The following SMOC2 variants were observed in gnomAD, a reference collection of about 807,000 sequenced individuals.
SMOC2 encodes SPARC related modular calcium binding 2.
A neutral mutation model predicts 61.4 loss-of-function variants in SMOC2; 39 were observed. The ratio of observed to expected loss-of-function variants is 0.64; its 90% CI spans 0.49 to 0.83. The LOEUF is 0.83. Ranked by LOEUF, SMOC2 falls within the 40% of genes least tolerant of loss-of-function variation. SMOC2 has a pLI of 0.00. For synonymous variants in SMOC2, 247 were observed against 239.9 expected (o/e 1.03, Z -0.27); for missense variants, 556 against 592.9 (o/e 0.94, Z 0.65).
At chr6:168,528,402 C>T (rs781484641) in intron 4 of SMOC2, among the ~76,000 whole-genome samples, 8 of 151,912 alleles carry the variant, frequency 5.3e-5, no homozygotes, top group Non-Finnish European at 1.0e-4. Flanking sequence ...TGATCTAGCC[C>T]TCCAGATTCC....
At chr6:168,563,328 TTATA>T (rs1407399978) in intron 7 of SMOC2, among the ~76,000 whole-genome samples, 1 of 152,146 alleles carries the variant, frequency 6.6e-6, no homozygotes, top group Non-Finnish European at 1.5e-5. Context: ...TATATAAAGT[TTATA>T]TATGTGTATG....
intron 7 of SMOC2, among the ~76,000 whole-genome samples, chr6:168,592,174 C>T (rs1317124783): frequency 6.6e-6 from 1 of 152,232 alleles, no homozygotes; most frequent in African/African-American, 2.4e-5. Context: ...CCCTATTTCC[C>T]TAGTTCTCTA....
rs141368097 is a variant in SMOC2 at position 168,514,807 on chromosome 6, G to A, written c.256+4721G>A. 1.7e-3 allele frequency among the ~76,000 whole-genome samples: 265 copies of A among 152,300 alleles called. 2 individuals carry two copies. Among genetic ancestry groups the A allele is most frequent in the African/African-American group, 6.1e-3 (254 of 41,562 alleles). ...GTCGGATGTGCCATTGAAAGGCCGC[G>A]AAGAAGCTTCCGCTTTAGCCGTAGC... On this transcript the variant is annotated intron_variant, in intron 2 of 12. Transcript: ENST00000356284.
At chr6:168,510,134 C>T (rs1381207469) in intron 2 of SMOC2, 48 bp downstream of exon 2, 1 of 1,547,564 alleles carries the variant, frequency 6.5e-7, no homozygotes, top group South Asian at 1.1e-5. Context: ...CATCCATCAT[C>T]AAAATGAATG....
intron 9 of SMOC2, among the ~76,000 whole-genome samples, chr6:168,615,560 T>C (rs60866556): frequency 5.7e-5 from 4 of 69,880 alleles, no homozygotes; most frequent in African/African-American, 1.6e-4. Flanking sequence ...CCTCTTTACA[T>C]CTACAGCCAG....
chr6:168,559,550 C>T (rs1784344615), intron 7 of SMOC2, among the ~76,000 whole-genome samples: 3 of 152,134 alleles, frequency 2.0e-5, no homozygotes, highest in African/African-American at 7.2e-5. Flanking sequence ...CATGGTCTTC[C>T]CATCAGTTAG....
chr6:168,510,341 TC>T (rs1273727719), intron 2 of SMOC2, among the ~76,000 whole-genome samples: 3 of 152,224 alleles, frequency 2.0e-5, no homozygotes, highest in Admixed American at 2.0e-4. Context: ...TCAGTTTTTT[TC>T]CCCAAAGTCT....
At chr6:168,466,824 C>T (rs779434496) in intron 1 of SMOC2, among the ~76,000 whole-genome samples, 11 of 152,160 alleles carry the variant, frequency 7.2e-5, no homozygotes, top group Non-Finnish European at 1.2e-4. Flanking sequence ...TGGTTTCTCC[C>T]GGATGTTTCA....
chr6:168,442,401 C>A (rs898438956), intron 1 of SMOC2, among the ~76,000 whole-genome samples: 10 of 152,392 alleles, frequency 6.6e-5, no homozygotes, highest in African/African-American at 2.2e-4. Context: ...CAACCCGCGG[C>A]GGCCGCTGGG....
At chr6:168,561,968 C>T (rs536576244) in intron 7 of SMOC2, among the ~76,000 whole-genome samples, 7 of 26,418 alleles carry the variant, frequency 2.6e-4, no homozygotes, top group Admixed American at 4.0e-4. Context: ...ACACGAGGCT[C>T]TCACTGCATT....
At chr6:168,554,293 A>T (rs1784196141) in intron 7 of SMOC2, among the ~76,000 whole-genome samples, 1 of 152,248 alleles carries the variant, frequency 6.6e-6, no homozygotes, top group African/African-American at 2.4e-5. Flanking sequence ...TCTTAAAGTC[A>T]TGCTGAAAAA....
chr6:168,526,394 G>C lies in SMOC2; in HGVS notation c.305G>C (p.Arg102Pro). 2 of 1,614,070 alleles carry C rather than the reference G, an allele frequency of 1.2e-6. No individual in the cohort carries two copies. The highest frequency in any genetic ancestry group is 1.7e-6 in the Non-Finnish European group (2 of 1,179,946). ...AERKYTQEQA[R>P]KEFQQVFIPE... ...AGGAAGTATACCCAGGAGCAAGCCCGGAAGGAGTTTCAGCAAGTGTTCATT... is the reference window on the plus strand; with the variant it reads ...AGGAAGTATACCCAGGAGCAAGCCCCGAAGGAGTTTCAGCAAGTGTTCATT... The change falls in exon 3 of 13, where the codon CGG becomes CCG. Residue 102 changes from arginine (R) to proline (P), a missense_variant. Physicochemically the swap from Arg to Pro is moderately radical, Grantham distance 103. Transcript: ENST00000356284.
At chr6:168,588,549 C>T (rs1030303230) in intron 7 of SMOC2, among the ~76,000 whole-genome samples, 14 of 152,146 alleles carry the variant, frequency 9.2e-5, no homozygotes, top group Admixed American at 5.2e-4. Context: ...AAGATTTCAA[C>T]ACAGGAATTT....
At position 168,441,474 on chromosome 6, in the gene SMOC2, A is replaced by G; in HGVS notation, c.84+20A>G. On this transcript the variant is annotated intron_variant, in intron 1 of 12. Coordinates refer to ENST00000356284, the MANE Select transcript of SMOC2 (RefSeq NM_001166412.2). Reference sequence around the variant, plus strand: ...CTCACGGTAAGCCCGGGCCCGCGGGACCTGGAGCTCAAGTGGTGCCGCCTC... The same window carrying G: ...CTCACGGTAAGCCCGGGCCCGCGGGGCCTGGAGCTCAAGTGGTGCCGCCTC... The G allele has an allele frequency of 1.3e-6, 2 of 1,485,120 alleles. No homozygotes were observed. Among genetic ancestry groups the G allele is most frequent in the Non-Finnish European group, 1.8e-6 (2 of 1,121,602 alleles). 92.0% of individuals were successfully genotyped at this position (1,485,120 alleles called of 1,614,324 possible).
At position 168,650,753 on chromosome 6, in the gene SMOC2, C is replaced by A. The variant is rs777915338; in HGVS notation, c.980C>A (p.Ala327Asp). 1 of 1,612,614 alleles carries A rather than the reference C, an allele frequency of 6.2e-7. No individual in the cohort carries two copies. ...LDALSTDMVHAASDPSSSSGR... is the reference protein window; with the variant it reads ...LDALSTDMVHDASDPSSSSGR... ...GCGCTGTCCACGGACATGGTCCACG[C>A]CGCCTCCGACCCCTCCTCCTCGTCA... Residue 327 changes from alanine (A) to aspartate (D), a missense_variant, in exon 10 of 13, where the codon GCC becomes GAC. By Grantham distance (126) the Ala-to-Asp change is moderately radical (BLOSUM62 -2). Transcript: ENST00000356284.
intron 1 of SMOC2, among the ~76,000 whole-genome samples, chr6:168,446,194 C>T (rs1311008555): frequency 6.6e-6 from 1 of 152,188 alleles, no homozygotes; most frequent in Admixed American, 6.5e-5. Flanking sequence ...GAAACCCCAT[C>T]TTTACTAAAA....
intron 1 of SMOC2, among the ~76,000 whole-genome samples, chr6:168,479,533 G>A (rs1206658223): frequency 1.3e-5 from 2 of 152,116 alleles, no homozygotes; most frequent in Non-Finnish European, 2.9e-5. Context: ...GAAAGTTTGC[G>A]GTTTCTAGGT....
chr6:168,563,322 TAA>T (rs1784466223), intron 7 of SMOC2, among the ~76,000 whole-genome samples: 2 of 152,292 alleles, frequency 1.3e-5, no homozygotes, highest in Non-Finnish European at 2.9e-5. Flanking sequence ...TGTATGTATA[TAA>T]AGTTTATATA....
intron 1 of SMOC2, among the ~76,000 whole-genome samples, chr6:168,466,495 A>G (rs1781837704): frequency 6.6e-6 from 1 of 152,210 alleles, no homozygotes; most frequent in Non-Finnish European, 1.5e-5. Context: ...ACACTTGGGC[A>G]GCATTGGAGG....
Sources: allele counts gnomAD v4.1 joint callset (sites outside exome capture counted in the v4.1 genomes callset), GRCh38; gene constraint gnomAD v4.1.1; transcripts MANE v1.5; gene names NCBI Gene and HGNC (gene_info 2026-07-23, HGNC 2026-07-21).